ANK3: variants seen among roughly 807,000 people sequenced by gnomAD.
ANK3 encodes the protein ankyrin 3.
Under a neutral mutation model 370.9 loss-of-function variants are expected in ANK3, and 57 were observed. The ratio of observed to expected loss-of-function variants is 0.15; its 90% CI spans 0.12 to 0.19. The LOEUF is 0.19. Ranked by LOEUF, ANK3 falls within the 10% of genes least tolerant of loss-of-function variation. The pLI is 1.00. For missense variants in ANK3, 4,439 were observed against 5,302.1 expected (o/e 0.84, Z 5.06); for synonymous variants, 1,929 against 1,946.3 (o/e 0.99, Z 0.23).
intron 1 of ANK3, among the ~76,000 whole-genome samples, chr10:60,299,987 C>T (rs1047819358): frequency 2.0e-5 from 3 of 152,026 alleles, no homozygotes; most frequent in African/African-American, 4.8e-5. Flanking sequence ...ACCATATAAA[C>T]CTTTTTACGC....
chr10:60,081,907 T>C (rs894223481), intron 35 of ANK3: 4 of 377,128 alleles, frequency 1.1e-5, no homozygotes, highest in Non-Finnish European at 1.9e-5. Context: ...TAAAAATGTT[T>C]AAAGACCTTC....
At chr10:60,155,546 T>C (rs922587030) in intron 23 of ANK3, among the ~76,000 whole-genome samples, 4 of 152,152 alleles carry the variant, frequency 2.6e-5, no homozygotes, top group Non-Finnish European at 5.9e-5. Flanking sequence ...ACCCTGGTCT[T>C]GGAGGTTGTG....
intron 2 of ANK3, among the ~76,000 whole-genome samples, chr10:60,604,284 A>C (rs1469723265): frequency 6.6e-6 from 1 of 152,184 alleles, no homozygotes; most frequent in East Asian, 1.9e-4. Flanking sequence ...TGTTTTTATA[A>C]GAATTCTTTT....
intron 23 of ANK3, among the ~76,000 whole-genome samples, chr10:60,159,696 A>C (rs926364829): frequency 2.0e-5 from 3 of 152,168 alleles, no homozygotes; most frequent in African/African-American, 7.2e-5. Context: ...ATTTAAAAAA[A>C]AATTGCAATC....
At position 60,268,995 on chromosome 10, in the gene ANK3, A is replaced by C. The variant is rs553957428; in HGVS notation, c.513+1136T>G. Among the ~76,000 whole-genome samples the C allele has an allele frequency of 7.4e-4, 112 of 152,354 alleles. No homozygotes were observed. In the Middle Eastern group the frequency reaches 0.017, roughly 23 times the overall value. On this transcript the variant is annotated intron_variant, in intron 5 of 43. Coordinates refer to ENST00000280772, the MANE Select transcript of ANK3 (RefSeq NM_020987.5). Reference sequence around the variant, plus strand: ...CCTAGAAGGTATAATCTCAAAAACTAAGTGAGATTAGATGCAGTTTATCTA... The same window carrying C: ...CCTAGAAGGTATAATCTCAAAAACTCAGTGAGATTAGATGCAGTTTATCTA...
intron 7 of ANK3, among the ~76,000 whole-genome samples, chr10:60,247,857 G>C (rs964164903): frequency 1.3e-5 from 2 of 152,062 alleles, no homozygotes; most frequent in Admixed American, 6.6e-5. Context: ...AGTAGAGATG[G>C]CATTTCACCA....
intron 1 of ANK3, among the ~76,000 whole-genome samples, chr10:60,633,828 T>G (rs2078516978): frequency 6.6e-6 from 1 of 152,208 alleles, no homozygotes; most frequent in Non-Finnish European, 1.5e-5. Flanking sequence ...CTCTTTTTCT[T>G]TCATTTTCTC....
At chr10:60,217,390 C>T (rs2096957067) in intron 8 of ANK3, among the ~76,000 whole-genome samples, 1 of 152,084 alleles carries the variant, frequency 6.6e-6, no homozygotes, top group Non-Finnish European at 1.5e-5. Flanking sequence ...CTGATGTGGG[C>T]ATTTAGTGCT....
chr10:60,492,275 T>TACCATC (rs1306331256), intron 2 of ANK3, among the ~76,000 whole-genome samples: 1 of 152,238 alleles, frequency 6.6e-6, no homozygotes, highest in African/African-American at 2.4e-5. Context: ...CTGCATTAGC[T>TACCATC]ACCATCACCA....
chr10:60,555,133 T>C (rs569480532), intron 2 of ANK3, among the ~76,000 whole-genome samples: 21 of 152,228 alleles, frequency 1.4e-4, no homozygotes, highest in Non-Finnish European at 2.4e-4. Context: ...TAAGAAAATG[T>C]TAAGGAGATC....
intron 4 of ANK3, 49 bp from the exon 5 acceptor site, chr10:60,270,278 C>T: frequency 7.3e-7 from 1 of 1,369,614 alleles, no homozygotes; most frequent in Non-Finnish European, 1.0e-6. Context: ...CAGAGACAAT[C>T]TATTTTTCCA....
chr10:60,186,397 C>T (rs1047024542), intron 17 of ANK3, among the ~76,000 whole-genome samples: 1 of 148,236 alleles, frequency 6.7e-6, no homozygotes, highest in Non-Finnish European at 1.5e-5. Context: ...GTCACCCAGG[C>T]TGGAGTATAA....
intron 23 of ANK3, among the ~76,000 whole-genome samples, chr10:60,152,000 A>G (rs1357106323): frequency 1.4e-5 from 2 of 144,322 alleles, no homozygotes; most frequent in Non-Finnish European, 3.1e-5. Flanking sequence ...AGAAAGATTC[A>G]ATCATGGTAA....
At position 60,068,016 on chromosome 10, in the gene ANK3, T is replaced by A; in HGVS notation, c.12245-7A>T. 6.3e-7 allele frequency: 1 copy of A among 1,597,714 alleles called. No individual in the cohort carries two copies. Among genetic ancestry groups the A allele is most frequent in the Non-Finnish European group, 8.6e-7 (1 of 1,167,382 alleles). On this transcript the variant is annotated splice_polypyrimidine_tract_variant and splice_region_variant and intron_variant, in intron 37 of 43. Transcript: ENST00000280772. ...TCACATGGACTCTGTGGACCTACGA[T>A]TTACAATTTCTTAATTAAAATAATC... is the stretch of plus-strand genomic sequence containing the variant.
chr10:60,271,264 G>T (rs958002554), intron 4 of ANK3, among the ~76,000 whole-genome samples: 3 of 152,024 alleles, frequency 2.0e-5, no homozygotes, highest in Non-Finnish European at 4.4e-5. Context: ...GAGTGCCGGG[G>T]TATCGTCACA....
At chr10:60,231,558 T>C (rs920953433) in intron 8 of ANK3, among the ~76,000 whole-genome samples, 1 of 152,202 alleles carries the variant, frequency 6.6e-6, no homozygotes, top group African/African-American at 2.4e-5. Context: ...CTTGTTTTTG[T>C]GACAAATTCT....
rs151240575 is a variant in ANK3, at chr10:60,600,362, T to C, written c.96+14824A>G. The stretch of plus-strand genomic sequence containing the variant: ...GAAATGTTCTTCTCCCAGGTTTTCA[T>C]ATATCTGATGCTCCTGCATACCCAG... On this transcript the variant is annotated intron_variant, in intron 2 of 43. Transcript: ENST00000373827. 8.8e-4 allele frequency among the ~76,000 whole-genome samples: 134 copies of C among 152,294 alleles called. No homozygotes were observed. In the East Asian group the frequency reaches 0.024, roughly 27 times the overall value.
chr10:60,678,533 A>G (rs1460634347), intron 1 of ANK3, among the ~76,000 whole-genome samples: 1 of 152,226 alleles, frequency 6.6e-6, no homozygotes, highest in East Asian at 1.9e-4. Flanking sequence ...TGGAATTAAG[A>G]AAATATTTAA....
At chr10:60,586,168 C>T (rs2077828700) in intron 2 of ANK3, among the ~76,000 whole-genome samples, 1 of 151,648 alleles carries the variant, frequency 6.6e-6, no homozygotes, top group Non-Finnish European at 1.5e-5. Flanking sequence ...GTATAGATTC[C>T]AAAGATGGTA....
Sources: allele counts gnomAD v4.1 joint callset (sites outside exome capture counted in the v4.1 genomes callset), GRCh38; gene constraint gnomAD v4.1.1; transcripts MANE v1.5; gene names NCBI Gene and HGNC (gene_info 2026-07-23, HGNC 2026-07-21).